The following PRKAR2B variants were observed in gnomAD, a reference collection of about 807,000 sequenced individuals.
PRKAR2B encodes cAMP-dependent protein kinase type II-beta regulatory subunit.
In PRKAR2B, 14 loss-of-function variants were observed where a neutral mutation model predicts 49.9. That is an observed-to-expected ratio of 0.28 (90% confidence interval 0.19 to 0.44). The LOEUF is 0.44. PRKAR2B is among the 20% of genes least tolerant of loss of function. The pLI, the probability that PRKAR2B is intolerant of heterozygous loss-of-function variation, is 1.00. For missense variants in PRKAR2B, 393 were observed against 537.9 expected (o/e 0.73, Z 2.67); for synonymous variants, 196 against 197.7 (o/e 0.99, Z 0.07).
At chr7:107,092,183 T>G (rs1260683854) in intron 2 of PRKAR2B, among the ~76,000 whole-genome samples, 1 of 151,892 alleles carries the variant, frequency 6.6e-6, no homozygotes, top group Non-Finnish European at 1.5e-5. Context: ...AGGGTAGCCT[T>G]GAAAGCCACT....
At chr7:107,057,324 C>T (rs1174220907) in intron 1 of PRKAR2B, among the ~76,000 whole-genome samples, 4 of 152,064 alleles carry the variant, frequency 2.6e-5, no homozygotes, top group Admixed American at 2.0e-4. Context: ...TGTGTTCTCT[C>T]GTTCCTCAGT....
intron 10 of PRKAR2B, among the ~76,000 whole-genome samples, chr7:107,158,621 A>G (rs908726187): frequency 1.3e-5 from 2 of 152,170 alleles, no homozygotes; most frequent in Admixed American, 1.3e-4. Context: ...TTTTTTGTGC[A>G]TAGAAGACTT....
At chr7:107,124,699 C>T (rs534039337) in intron 3 of PRKAR2B, among the ~76,000 whole-genome samples, 1 of 152,140 alleles carries the variant, frequency 6.6e-6, no homozygotes, top group South Asian at 2.1e-4. Flanking sequence ...GGATTACTGG[C>T]GTGAGCCACT....
intron 2 of PRKAR2B, among the ~76,000 whole-genome samples, chr7:107,120,253 G>A (rs1795363821): frequency 6.6e-6 from 1 of 152,086 alleles, no homozygotes. Flanking sequence ...TCCCTGGCCT[G>A]TACCCAGTAG....
intron 2 of PRKAR2B, among the ~76,000 whole-genome samples, chr7:107,120,515 C>A (rs954597211): frequency 1.6e-4 from 25 of 152,128 alleles, no homozygotes; most frequent in African/African-American, 5.6e-4. Flanking sequence ...GGAAGACATT[C>A]GTCAGCCTTT....
chr7:107,147,480 T>G (rs959986281), intron 6 of PRKAR2B, among the ~76,000 whole-genome samples: 1 of 152,222 alleles, frequency 6.6e-6, no homozygotes, highest in African/African-American at 2.4e-5. Flanking sequence ...TATGATAGGA[T>G]GCAAATTATT....
rs551623041 is a variant in PRKAR2B, at chr7:107,071,466, A to C, written c.343+1150A>C. ...GTGTTTATTTTAAATGGTGAAAACA[A>C]GTGTAGATTGTAATGCCTTTTGTGG... On this transcript the variant is annotated intron_variant, in intron 2 of 10. Transcript: ENST00000265717. Among the ~76,000 whole-genome samples the C allele has an allele frequency of 3.3e-5, 5 of 152,324 alleles. No homozygotes were observed. In the South Asian group the frequency reaches 8.3e-4, roughly 25 times the overall value.
intron 1 of PRKAR2B, among the ~76,000 whole-genome samples, chr7:107,053,352 T>C (rs1239967756): frequency 6.6e-6 from 1 of 152,168 alleles, no homozygotes; most frequent in Admixed American, 6.5e-5. Context: ...TCTAAGCAAG[T>C]TGTAATTTTC....
At chr7:107,122,263 G>A (rs1795403232) in intron 3 of PRKAR2B, among the ~76,000 whole-genome samples, 1 of 152,124 alleles carries the variant, frequency 6.6e-6, no homozygotes, top group Non-Finnish European at 1.5e-5. Context: ...CTTTCTCATA[G>A]TGATAATATT....
intron 10 of PRKAR2B, among the ~76,000 whole-genome samples, chr7:107,158,144 C>T (rs879486323): frequency 1.4e-5 from 2 of 147,374 alleles, no homozygotes; most frequent in African/African-American, 5.0e-5. Flanking sequence ...CAGGTAATTT[C>T]CCTAAGTAGG....
chr7:107,045,947 A>T (rs1331991053), intron 1 of PRKAR2B, among the ~76,000 whole-genome samples: 1 of 152,222 alleles, frequency 6.6e-6, no homozygotes, highest in Non-Finnish European at 1.5e-5. Context: ...TTATTTTTTT[A>T]AAAGTGTATG....
chr7:107,094,299 A>C (rs1794794310), intron 2 of PRKAR2B, among the ~76,000 whole-genome samples: 1 of 152,156 alleles, frequency 6.6e-6, no homozygotes, highest in African/African-American at 2.4e-5. Context: ...TTGGCTGCAT[A>C]AATGTCTTCT....
At chr7:107,116,818 CT>C (rs1033068910) in intron 2 of PRKAR2B, among the ~76,000 whole-genome samples, 1 of 150,868 alleles carries the variant, frequency 6.6e-6, no homozygotes, top group African/African-American at 2.4e-5. Flanking sequence ...CGGGGGAAGC[CT>C]ATTAACTTGT....
intron 2 of PRKAR2B, among the ~76,000 whole-genome samples, chr7:107,096,069 G>A (rs1423704653): frequency 1.3e-5 from 2 of 152,204 alleles, no homozygotes; most frequent in Admixed American, 1.3e-4. Context: ...AATAGTTTCA[G>A]AAGGAATGGT....
At chr7:107,114,886 A>T (rs1210439712) in intron 2 of PRKAR2B, among the ~76,000 whole-genome samples, 1 of 152,202 alleles carries the variant, frequency 6.6e-6, no homozygotes, top group Non-Finnish European at 1.5e-5. Context: ...TTAGAAACAT[A>T]AAAACATAAA....
rs112888336 is a variant in PRKAR2B, at chr7:107,044,762, A to G, written c.-146A>G. On this transcript the variant is annotated 5_prime_UTR_variant, in exon 1 of 11. Transcript: ENST00000265717. ...CGCGCCGGGAGCCGCGGGCCGGGCC[A>G]GCCGGGCCGCCGGGGCCCAGTGCGC... 1 of 330,140 alleles carries G rather than the reference A, an allele frequency of 3.0e-6. No homozygotes were observed. Among genetic ancestry groups the G allele is most frequent in the Non-Finnish European group, 4.4e-6 (1 of 228,116 alleles). 20.5% of individuals were successfully genotyped at this position (330,140 alleles called of 1,614,324 possible).
At chr7:107,114,309 G>T (rs1342749550) in intron 2 of PRKAR2B, among the ~76,000 whole-genome samples, 1 of 150,030 alleles carries the variant, frequency 6.7e-6, no homozygotes, top group Non-Finnish European at 1.5e-5. Flanking sequence ...AGATTAAAGA[G>T]TTTGGCATGT....
At chr7:107,054,011 T>C (rs1793860914) in intron 1 of PRKAR2B, among the ~76,000 whole-genome samples, 1 of 152,144 alleles carries the variant, frequency 6.6e-6, no homozygotes, top group Non-Finnish European at 1.5e-5. Flanking sequence ...TAAAAATACA[T>C]GAAAGAAAGG....
rs201368651 is a variant in PRKAR2B, at chr7:107,160,311, CT to C, written c.*737del. On this transcript the variant is annotated 3_prime_UTR_variant, in exon 11 of 11. Transcript: ENST00000265717. ...TTTTCCCTCATCAAGCATATATCTG[CT>C]TTTTTTTATTTTGCAATTCTCTGTA... 716 of 152,142 alleles carry C rather than the reference CT, an allele frequency of 4.7e-3. 3 individuals carry two copies. Among genetic ancestry groups the C allele is most frequent in the Non-Finnish European group, 5.4e-3 (365 of 67,928 alleles). The allele number at this position is 152,142 out of a possible 1,614,324, so 9.4% of individuals were successfully genotyped here. A position where few individuals can be genotyped will look rare whatever the true frequency, so the allele number is the denominator to read the frequency against.
Sources: allele counts gnomAD v4.1 joint callset (sites outside exome capture counted in the v4.1 genomes callset), GRCh38; gene constraint gnomAD v4.1.1; transcripts MANE v1.5; gene names NCBI Gene and HGNC (gene_info 2026-07-23, HGNC 2026-07-21).